The following MBNL1 variants were observed in gnomAD, a reference collection of about 807,000 sequenced individuals.
MBNL1 encodes muscleblind like splicing regulator 1.
In MBNL1, 8 loss-of-function variants were observed where a neutral mutation model predicts 42.2. The observed-to-expected ratio is 0.19, with a 90% confidence interval of 0.11 to 0.34. MBNL1 has a LOEUF of 0.34. Among genes scored for constraint, MBNL1 ranks in the 10% least tolerant of loss-of-function variants. The probability of loss-of-function intolerance (pLI) is 1.00; values close to 1 mark genes in which losing one functional copy is unlikely to be tolerated. For missense variants in MBNL1, 309 were observed against 495.3 expected, an observed-to-expected ratio of 0.62 and a Z score of 3.57; for synonymous variants, 169 against 173.9, an observed-to-expected ratio of 0.97 and a Z score of 0.22.
At chr3:152,367,723 A>C (rs1225429194) in intron 2 of MBNL1, among the ~76,000 whole-genome samples, 2 of 152,300 alleles carry the variant, frequency 1.3e-5, no homozygotes, top group South Asian at 4.1e-4. Flanking sequence ...TTGCGATTCT[A>C]ACTGGCATGA....
At chr3:152,328,421 C>A (rs949274032) in intron 2 of MBNL1, among the ~76,000 whole-genome samples, 4 of 151,988 alleles carry the variant, frequency 2.6e-5, no homozygotes, top group Non-Finnish European at 5.9e-5. Context: ...TAAGTAATTA[C>A]TGTAATTCTA....
At chr3:152,433,900 G>A (rs2153775947) in intron 4 of MBNL1, among the ~76,000 whole-genome samples, 1 of 152,300 alleles carries the variant, frequency 6.6e-6, no homozygotes, top group East Asian at 1.9e-4. Flanking sequence ...CAGCATGACT[G>A]TGAATTAATG....
In MBNL1 at chr3:152,426,692, T is replaced by G. The variant is rs2098937132; in HGVS notation, c.346-6025T>G. Among the ~76,000 whole-genome samples the G allele has an allele frequency of 2.6e-5, 4 of 152,224 alleles. No homozygotes were observed. In the South Asian group the frequency reaches 8.3e-4, roughly 31 times the overall value. On this transcript the variant is annotated intron_variant, in intron 3 of 9. Transcript: ENST00000324210. ...GTGCCTTTACCTGTGATCCCAAAGT[T>G]AACCTTGGCTATCTATAATTTGTGA...
At chr3:152,428,187 T>A (rs2098960544) in intron 3 of MBNL1, among the ~76,000 whole-genome samples, 1 of 152,242 alleles carries the variant, frequency 6.6e-6, no homozygotes, top group Non-Finnish European at 1.5e-5. Context: ...GAATATTTAA[T>A]GTATTTGCTT....
intron 3 of MBNL1, among the ~76,000 whole-genome samples, chr3:152,427,382 C>T (rs2098946242): frequency 6.6e-6 from 1 of 152,066 alleles, no homozygotes; most frequent in Admixed American, 6.6e-5. Flanking sequence ...TTATTTTATT[C>T]GTCATTTGCT....
chr3:152,452,816 T>C (rs1383510519), intron 6 of MBNL1, among the ~76,000 whole-genome samples: 2 of 152,200 alleles, frequency 1.3e-5, no homozygotes, highest in Admixed American at 6.5e-5. Context: ...TGTTGGCTTA[T>C]GAGTTTTAAC....
chr3:152,373,448 C>T (rs957749162), intron 2 of MBNL1, among the ~76,000 whole-genome samples: 1 of 151,636 alleles, frequency 6.6e-6, no homozygotes, highest in Non-Finnish European at 1.5e-5. Context: ...TGTCAGCACT[C>T]GAGGGAATCT....
chr3:152,381,863 G>A (rs1027962630), intron 2 of MBNL1, among the ~76,000 whole-genome samples: 8 of 147,648 alleles, frequency 5.4e-5, no homozygotes, highest in African/African-American at 1.9e-4. Flanking sequence ...GAATTTGAAG[G>A]GTTTAGCTAT....
intron 2 of MBNL1, among the ~76,000 whole-genome samples, chr3:152,333,411 A>C (rs921002923): frequency 6.6e-6 from 1 of 152,228 alleles, no homozygotes; most frequent in African/African-American, 2.4e-5. Flanking sequence ...AAAGACAGGG[A>C]TATCAGATGC....
At chr3:152,396,784 C>G (rs1235462100) in intron 2 of MBNL1, among the ~76,000 whole-genome samples, 1 of 152,038 alleles carries the variant, frequency 6.6e-6, no homozygotes, top group Non-Finnish European at 1.5e-5. Context: ...TTAAGATTCT[C>G]AAAAAAGTTT....
chr3:152,444,368 T>C (rs571236036), intron 4 of MBNL1, among the ~76,000 whole-genome samples: 1 of 152,176 alleles, frequency 6.6e-6, no homozygotes, highest in South Asian at 2.1e-4. Context: ...TTAGCAAATA[T>C]AAAACAAACA....
intron 2 of MBNL1, among the ~76,000 whole-genome samples, chr3:152,367,463 A>G (rs528761976): frequency 1.0e-4 from 15 of 150,312 alleles, no homozygotes; most frequent in Non-Finnish European, 1.9e-4. Flanking sequence ...AGTCTTTACT[A>G]TAGGGAATAG....
At chr3:152,457,275 T>C (rs1735522913) in intron 8 of MBNL1, among the ~76,000 whole-genome samples, 1 of 152,202 alleles carries the variant, frequency 6.6e-6, no homozygotes, top group Non-Finnish European at 1.5e-5. Context: ...GAGTTGATAG[T>C]GTATGAAAAA....
chr3:152,301,318 A>C (rs1375411869), intron 2 of MBNL1, among the ~76,000 whole-genome samples: 2 of 152,196 alleles, frequency 1.3e-5, no homozygotes, highest in Admixed American at 1.3e-4. Context: ...TACTTGGTTT[A>C]ATCAAATTGC....
At chr3:152,340,571 G>A in intron 2 of MBNL1, 1 of 1,613,636 alleles carries the variant, frequency 6.2e-7, no homozygotes, top group Non-Finnish European at 8.5e-7. Context: ...ACAACTGACA[G>A]GATCTGTTCA....
At chr3:152,335,671 T>C (rs771041559) in intron 2 of MBNL1, among the ~76,000 whole-genome samples, 3 of 152,184 alleles carry the variant, frequency 2.0e-5, no homozygotes, top group Non-Finnish European at 2.9e-5. Context: ...TTATCTTCCC[T>C]TTTATGATTT....
intron 2 of MBNL1, among the ~76,000 whole-genome samples, chr3:152,325,548 A>G (rs1452975244): frequency 2.0e-5 from 3 of 151,976 alleles, no homozygotes; most frequent in African/African-American, 7.2e-5. Flanking sequence ...AGATATCTGT[A>G]TTTTATTTTT....
chr3:152,392,401 T>C lies in MBNL1; in HGVS notation c.175-22540T>C, dbSNP rs78563621. On this transcript the variant is annotated intron_variant, in intron 2 of 9. Transcript: ENST00000324210. Reference sequence around the variant, plus strand: ...TAATGGGAGACAGAGTTAAACAAATTGAGCCTTTTGTACATATTTACATTT... The same window carrying C: ...TAATGGGAGACAGAGTTAAACAAATCGAGCCTTTTGTACATATTTACATTT... 5.5e-3 allele frequency among the ~76,000 whole-genome samples: 841 copies of C among 152,266 alleles called. 4 individuals carry two copies. The highest frequency in any genetic ancestry group is 9.3e-3 in the Non-Finnish European group (633 of 68,008).
intron 6 of MBNL1, among the ~76,000 whole-genome samples, chr3:152,452,489 C>T (rs866362922): frequency 4.2e-4 from 64 of 152,248 alleles, no homozygotes; most frequent in African/African-American, 1.4e-3. Context: ...CTTCAGTCAC[C>T]GCTGCTCACT....
Sources: allele counts gnomAD v4.1 joint callset (sites outside exome capture counted in the v4.1 genomes callset), GRCh38; gene constraint gnomAD v4.1.1; transcripts MANE v1.5; gene names NCBI Gene and HGNC (gene_info 2026-07-23, HGNC 2026-07-21).